Variants in PCDH15 observed in about 807,000 individuals in gnomAD.
PCDH15 encodes the protein protocadherin related 15.
Under a neutral mutation model 178.5 loss-of-function variants are expected in PCDH15, and 129 were observed. The ratio of observed to expected loss-of-function variants is 0.72; its 90% CI spans 0.63 to 0.84. The LOEUF is 0.84. Ranked by LOEUF, PCDH15 falls within the 40% of genes least tolerant of loss-of-function variation. The probability of loss-of-function intolerance (pLI) is 0.00; values close to 1 mark genes in which losing one functional copy is unlikely to be tolerated. For missense variants in PCDH15, 2,230 were observed against 2,099.9 expected (o/e 1.06, Z -1.21); for synonymous variants, 800 against 732.0 (o/e 1.09, Z -1.50).
chr10:54,169,486 T>G (rs1395715345), intron 13 of PCDH15, among the ~76,000 whole-genome samples: 1 of 141,348 alleles, frequency 7.1e-6, no homozygotes, highest in Non-Finnish European at 1.6e-5. Flanking sequence ...TCCTTTTTAG[T>G]TATCCCCACC....
chr10:55,333,801 A>C (rs2132313135), intron 2 of PCDH15, among the ~76,000 whole-genome samples: 1 of 152,048 alleles, frequency 6.6e-6, no homozygotes, highest in East Asian at 1.9e-4. Flanking sequence ...AAAAATTTCA[A>C]GAAAAAAAAG....
At position 55,430,162 on chromosome 10, in the gene PCDH15, G is replaced by T. The variant is rs113280171; in HGVS notation, c.-156+197463C>A. On this transcript the variant is annotated intron_variant, in intron 2 of 5. Coordinates refer to the PCDH15 transcript ENST00000613346. The stretch of plus-strand genomic sequence containing the variant: ...GAAAGTTAGCCAGGCATGGTGGCAC[G>T]TACCTATAGTCCTAGCTACTCAGGA... Among the ~76,000 whole-genome samples the T allele has an allele frequency of 3.7e-3, 565 of 152,140 alleles. 4 individuals are homozygous for T. Among genetic ancestry groups the T allele is most frequent in the African/African-American group, 0.012 (517 of 41,526 alleles).
At chr10:54,050,472 A>G (rs780561276) in intron 18 of PCDH15, among the ~76,000 whole-genome samples, 3 of 152,054 alleles carry the variant, frequency 2.0e-5, no homozygotes, top group Admixed American at 6.6e-5. Context: ...TAATCTAGCT[A>G]TAGGTCTATA....
intron 3 of PCDH15, among the ~76,000 whole-genome samples, chr10:54,494,985 G>A (rs1292106351): frequency 6.6e-6 from 1 of 152,066 alleles, no homozygotes; most frequent in Non-Finnish European, 1.5e-5. Flanking sequence ...TTCAACTAAA[G>A]CAGCCATTCT....
At chr10:54,148,959 T>C (rs2133280886) in intron 14 of PCDH15, among the ~76,000 whole-genome samples, 1 of 152,236 alleles carries the variant, frequency 6.6e-6, no homozygotes, top group South Asian at 2.1e-4. Context: ...TCTAAGTTTC[T>C]TATAAAAGAA....
chr10:54,677,832 C>G (rs1436304861), intron 1 of PCDH15, among the ~76,000 whole-genome samples: 1 of 152,148 alleles, frequency 6.6e-6, no homozygotes, highest in Non-Finnish European at 1.5e-5. Context: ...TAGTTTAAAG[C>G]CTTGGGCTTA....
In PCDH15 at chr10:55,307,833, G is replaced by T. The variant is rs556895693; in HGVS notation, c.-156+11766C>A. 4.6e-5 allele frequency among the ~76,000 whole-genome samples: 7 copies of T among 151,702 alleles called. No individual in the cohort carries two copies. In the East Asian group the frequency reaches 5.8e-4, roughly 13 times the overall value. On this transcript the variant is annotated intron_variant, in intron 1 of 5. Coordinates refer to the PCDH15 transcript ENST00000458638. Reference sequence around the variant, plus strand: ...GATGCCTATCCTACTAATTATTTTTGATTTTATAAATATTGAAATTATAAT... The same window carrying T: ...GATGCCTATCCTACTAATTATTTTTTATTTTATAAATATTGAAATTATAAT...
At chr10:55,450,398 G>A (rs1227132584) in intron 2 of PCDH15, among the ~76,000 whole-genome samples, 1 of 152,178 alleles carries the variant, frequency 6.6e-6, no homozygotes, top group Non-Finnish European at 1.5e-5. Flanking sequence ...ACAACAAGTA[G>A]AGCAAAGTTA....
At chr10:54,419,891 A>G (rs565355041) in intron 3 of PCDH15, among the ~76,000 whole-genome samples, 1 of 152,208 alleles carries the variant, frequency 6.6e-6, no homozygotes, top group East Asian at 1.9e-4. Flanking sequence ...AAATGCAGAA[A>G]AGCTCTCCCT....
intron 8 of PCDH15, among the ~76,000 whole-genome samples, chr10:54,273,420 A>T (rs1442309865): frequency 1.3e-5 from 2 of 151,832 alleles, no homozygotes; most frequent in African/African-American, 4.8e-5. Context: ...AAATAGACAA[A>T]TTTCCAGCCA....
At chr10:54,335,806 G>T (rs1940979590) in intron 6 of PCDH15, among the ~76,000 whole-genome samples, 1 of 152,118 alleles carries the variant, frequency 6.6e-6, no homozygotes, top group African/African-American at 2.4e-5. Context: ...GGGTCCTGCT[G>T]TAAAGATATC....
chr10:54,519,935 C>A (rs28880361), intron 3 of PCDH15, among the ~76,000 whole-genome samples: 2,936 of 152,250 alleles, frequency 0.019, 103 homozygotes, highest in African/African-American at 0.066. Context: ...TGATCTTTGA[C>A]AAACCTGACA....
At chr10:55,377,324 AG>A (rs921957131) in intron 2 of PCDH15, among the ~76,000 whole-genome samples, 1 of 151,936 alleles carries the variant, frequency 6.6e-6, no homozygotes, top group Non-Finnish European at 1.5e-5. Flanking sequence ...CGACAGTGCC[AG>A]TATTTGGGGT....
At position 53,806,507 on chromosome 10, in the gene PCDH15, C is replaced by T; in HGVS notation, c.*72G>A. On this transcript the variant is annotated 3_prime_UTR_variant, in exon 38 of 38. Coordinates refer to ENST00000644397, the MANE Select transcript of PCDH15 (RefSeq NM_001384140.1). ...ATATAAATTCCATACATTGTTTTCT[C>T]AGTGACAATAAAAAGCACAGTTTAT... 8.0e-7 allele frequency: 1 copy of T among 1,254,878 alleles called. No homozygotes were observed. The highest frequency in any genetic ancestry group is 1.1e-6 in the Non-Finnish European group (1 of 913,878). The allele number at this position is 1,254,878 out of a possible 1,614,324, so 77.7% of individuals were successfully genotyped here. A position where few individuals can be genotyped will look rare whatever the true frequency, so the allele number is the denominator to read the frequency against.
intron 25 of PCDH15, among the ~76,000 whole-genome samples, chr10:53,920,621 T>C (rs1354537335): frequency 1.3e-5 from 2 of 152,174 alleles, no homozygotes; most frequent in Non-Finnish European, 1.5e-5. Context: ...TCATAAAGCA[T>C]ACGTACACGA....
At chr10:55,023,888 CACATACAT>C (rs1324701068) in intron 2 of PCDH15, among the ~76,000 whole-genome samples, 3 of 28,160 alleles carry the variant, frequency 1.1e-4, no homozygotes, top group Non-Finnish European at 2.7e-4. Context: ...CATGTATATA[CACATACAT>C]GTATGTGAGT....
chr10:54,974,937 C>G (rs1839031791), intron 2 of PCDH15, among the ~76,000 whole-genome samples: 1 of 152,064 alleles, frequency 6.6e-6, no homozygotes, highest in Non-Finnish European at 1.5e-5. Context: ...CCATAACATA[C>G]TTAGAGGTGT....
intron 3 of PCDH15, among the ~76,000 whole-genome samples, chr10:54,448,168 C>T (rs1181087809): frequency 6.6e-6 from 1 of 151,638 alleles, no homozygotes; most frequent in Non-Finnish European, 1.5e-5. Context: ...TATTATTTTG[C>T]CATGTGAAAG....
chr10:55,064,185 T>G (rs544068708), intron 2 of PCDH15, among the ~76,000 whole-genome samples: 1 of 152,256 alleles, frequency 6.6e-6, no homozygotes, highest in African/African-American at 2.4e-5. Context: ...TAGAGATTAT[T>G]TTTGACTCTT....
Sources: gnomAD v4.1 joint callset for allele counts (sites outside exome capture counted in the v4.1 genomes callset) on GRCh38, gnomAD v4.1.1 for gene constraint, MANE v1.5 for transcripts, NCBI Gene and HGNC (gene_info 2026-07-23, HGNC 2026-07-21) for gene names.